Variants in SLC9A2 observed in about 807,000 individuals in gnomAD.
The protein encoded by SLC9A2 is solute carrier family 9 member A2.
SLC9A2 carries 42 observed loss-of-function variants against 71.7 expected under a neutral mutation model. The observed-to-expected ratio is 0.59, with a 90% confidence interval of 0.46 to 0.76. The LOEUF (loss-of-function observed/expected upper bound fraction) is 0.76, where lower values mean the gene tolerates loss of function less well. SLC9A2 is among the 30% of genes least tolerant of loss of function. The probability of loss-of-function intolerance (pLI) is 0.00; values close to 1 mark genes in which losing one functional copy is unlikely to be tolerated. For missense variants in SLC9A2, 829 were observed against 1,017.4 expected (o/e 0.81, Z 2.52); for synonymous variants, 396 against 392.5 (o/e 1.01, Z -0.10).
At chr2:102,670,453 G>C (rs1677224262) in intron 3 of SLC9A2, among the ~76,000 whole-genome samples, 1 of 151,918 alleles carries the variant, frequency 6.6e-6, no homozygotes, top group African/African-American at 2.4e-5. Context: ...AGAAAATGGT[G>C]ATTAGTTTCA....
At chr2:102,623,825 A>C (rs1487106867) in intron 1 of SLC9A2, among the ~76,000 whole-genome samples, 1 of 152,198 alleles carries the variant, frequency 6.6e-6, no homozygotes, top group Non-Finnish European at 1.5e-5. Context: ...TGGTTAAATT[A>C]ACAGGCTGTC....
chr2:102,652,931 G>A (rs1363768540), intron 1 of SLC9A2, among the ~76,000 whole-genome samples: 1 of 152,194 alleles, frequency 6.6e-6, no homozygotes, highest in Non-Finnish European at 1.5e-5. Flanking sequence ...ATACTTGGGG[G>A]AGGAAAAGCC....
At chr2:102,706,436 G>A (rs901662265) in intron 11 of SLC9A2, among the ~76,000 whole-genome samples, 2 of 152,168 alleles carry the variant, frequency 1.3e-5, no homozygotes, top group African/African-American at 4.8e-5. Context: ...GGGGTCGGGG[G>A]AGTGGGGAGG....
intron 1 of SLC9A2, among the ~76,000 whole-genome samples, chr2:102,629,448 G>A (rs1027926242): frequency 3.3e-5 from 5 of 151,974 alleles, no homozygotes; most frequent in African/African-American, 4.8e-5. Context: ...TATCAAATGA[G>A]TTATGTTATT....
At chr2:102,630,322 A>G (rs1676333262) in intron 1 of SLC9A2, among the ~76,000 whole-genome samples, 1 of 151,994 alleles carries the variant, frequency 6.6e-6, no homozygotes, top group Admixed American at 6.6e-5. Context: ...TTTTTATTAT[A>G]CTATTAAATG....
chr2:102,699,868 CCT>C (rs548010079), intron 7 of SLC9A2, among the ~76,000 whole-genome samples: 3 of 152,010 alleles, frequency 2.0e-5, no homozygotes, highest in Admixed American at 2.0e-4. Context: ...CATCATCTTC[CCT>C]CTCTCTGTAT....
intron 7 of SLC9A2, among the ~76,000 whole-genome samples, 171 bp downstream of exon 7, chr2:102,695,284 A>G (rs1431197893): frequency 6.6e-6 from 1 of 152,204 alleles, no homozygotes; most frequent in Non-Finnish European, 1.5e-5. Context: ...AGTAGCTTAA[A>G]CAAGGTAAAA....
Position 102,619,687 on chromosome 2 carries a change from A to G in SLC9A2, c.-162A>G, listed in dbSNP as rs1676093759. On this transcript the variant is annotated 5_prime_UTR_variant, in exon 1 of 12. Transcript: ENST00000233969. This position sits in a 1 kb window ranked among gnomAD's most constrained non-coding sequence, Gnocchi z 4.3. ...GTGCGCCTGCTCGCAGCGAGGACCT[A>G]GCCCTCTGGTTGCAGAGACCCGGTG... The G allele has an allele frequency of 9.1e-6, 5 of 549,780 alleles. No homozygotes were observed. Among genetic ancestry groups the G allele is most frequent in the South Asian group, 6.7e-5 (2 of 29,752 alleles). The allele number at this position is 549,780 out of a possible 1,614,324, so 34.1% of individuals were successfully genotyped here.
At position 102,642,962 on chromosome 2, in the gene SLC9A2, G is replaced by A. The variant is rs537001015; in HGVS notation, c.290-14602G>A. 7.9e-5 allele frequency among the ~76,000 whole-genome samples: 12 copies of A among 152,156 alleles called. No homozygotes were observed. In the East Asian group the frequency reaches 1.9e-3, roughly 24 times the overall value. On this transcript the variant is annotated intron_variant, in intron 1 of 11. Transcript: ENST00000233969. ...GTTGTTGCAGTTGGTGTTTTTTGAC[G>A]AACTGGTCCATTTCAGCTTAGATGT... is the stretch of plus-strand genomic sequence containing the variant.
chr2:102,685,706 A>AG (rs964564738), intron 5 of SLC9A2, among the ~76,000 whole-genome samples: 1 of 124,964 alleles, frequency 8.0e-6, no homozygotes, highest in African/African-American at 3.1e-5. Flanking sequence ...TCAAGTGAGA[A>AG]GGGGAAGTCT....
At chr2:102,696,781 G>A (rs767875786) in intron 7 of SLC9A2, among the ~76,000 whole-genome samples, 9 of 152,244 alleles carry the variant, frequency 5.9e-5, no homozygotes, top group Non-Finnish European at 1.2e-4. Flanking sequence ...TGGAGAGCAC[G>A]CCCAATTAGC....
Position 102,702,445 on chromosome 2 carries a change from T to A in SLC9A2, c.1788T>A (p.Ser596Arg). 1 of 1,603,756 alleles carries A rather than the reference T, an allele frequency of 6.2e-7. No homozygotes were observed. Residue 596 changes from serine to arginine, a missense_variant, in exon 9 of 12, where the codon AGT becomes AGA. By Grantham distance (110) the Ser-to-Arg change is moderately radical. Transcript: ENST00000233969. ...REEKIRKVTS[S>R]ETDEIRELLS... ...AAAAAATAAGGAAGGTCACGTCCAG[T>A]GAAACTGATGAAATTCGAGAACTCT... is the stretch of plus-strand genomic sequence containing the variant.
intron 5 of SLC9A2, chr2:102,686,384 A>G (rs974137604): frequency 2.0e-5 from 3 of 152,242 alleles, no homozygotes; most frequent in African/African-American, 7.2e-5. Flanking sequence ...ATTGTAATGC[A>G]TCACGATTTT....
intron 1 of SLC9A2, among the ~76,000 whole-genome samples, chr2:102,645,581 G>A (rs1676705258): frequency 6.6e-6 from 1 of 150,974 alleles, no homozygotes; most frequent in African/African-American, 2.4e-5. Flanking sequence ...CTGCCAACTA[G>A]AATAACCAGT....
At chr2:102,638,385 G>T (rs762323204) in intron 1 of SLC9A2, among the ~76,000 whole-genome samples, 2 of 152,204 alleles carry the variant, frequency 1.3e-5, no homozygotes, top group East Asian at 3.8e-4. Context: ...AATAGAAATG[G>T]TTGACATACT....
intron 5 of SLC9A2, among the ~76,000 whole-genome samples, chr2:102,688,425 T>C (rs1487959057): frequency 1.3e-5 from 2 of 152,156 alleles, no homozygotes; most frequent in Non-Finnish European, 2.9e-5. Context: ...TTTAATATAC[T>C]ACATTAAGAA....
In SLC9A2 at chr2:102,708,100, G is replaced by A; in HGVS notation, c.2069-19G>A. Reference sequence around the variant, plus strand: ...TCTCTCTAAAATGCTTGCCCACCTTGTCTTTTGCTCCGTGATAGATGGCAA... The same window carrying A: ...TCTCTCTAAAATGCTTGCCCACCTTATCTTTTGCTCCGTGATAGATGGCAA... On this transcript the variant is annotated intron_variant, in intron 11 of 11. Transcript: ENST00000233969. 1 of 1,596,914 alleles carries A rather than the reference G, an allele frequency of 6.3e-7. No homozygotes were observed. Among genetic ancestry groups the A allele is most frequent in the Middle Eastern group, 2.0e-4 (1 of 5,038 alleles).
intron 5 of SLC9A2, among the ~76,000 whole-genome samples, chr2:102,688,984 CTT>C (rs1180134888): frequency 6.6e-6 from 1 of 152,148 alleles, no homozygotes; most frequent in Non-Finnish European, 1.5e-5. Context: ...AGTGATGTAA[CTT>C]AGGTTAAGTC....
chr2:102,670,990 A>C (rs1677239907), intron 3 of SLC9A2, among the ~76,000 whole-genome samples: 1 of 151,292 alleles, frequency 6.6e-6, no homozygotes, highest in Non-Finnish European at 1.5e-5. Flanking sequence ...CAACATGTTT[A>C]CTTGCGTTCA....
Sources: allele counts gnomAD v4.1 joint callset (sites outside exome capture counted in the v4.1 genomes callset), GRCh38; gene constraint gnomAD v4.1.1; non-coding constraint Gnocchi (gnomAD v3.1); transcripts MANE v1.5; gene names NCBI Gene and HGNC (gene_info 2026-07-23, HGNC 2026-07-21).